The following NOD2 variants were observed in gnomAD, a reference collection of about 807,000 sequenced individuals.
The protein encoded by NOD2 is nucleotide binding oligomerization domain containing 2.
A neutral mutation model predicts 90.9 loss-of-function variants in NOD2; 86 were observed. The ratio of observed to expected loss-of-function variants is 0.95; its 90% confidence interval spans 0.79 to 1.13. The LOEUF (loss-of-function observed/expected upper bound fraction) is 1.13, where lower values mean the gene tolerates loss of function less well. NOD2 is among the 50% of genes most tolerant of loss of function. NOD2 has a pLI of 0.00. For missense variants in NOD2, 1,238 were observed against 1,283.8 expected (o/e 0.96, Z 0.55); for synonymous variants, 581 against 554.6 (o/e 1.05, Z -0.67).
At chr16:50,729,493 C>T (rs886587928) in intron 10 of NOD2, among the ~76,000 whole-genome samples, 1 of 152,246 alleles carries the variant, frequency 6.6e-6, no homozygotes, top group Non-Finnish European at 1.5e-5. Flanking sequence ...GACTAATTTG[C>T]TCGAGATCAA....
At position 50,699,913 on chromosome 16, in the gene NOD2, T is replaced by G. The variant is rs769289791; in HGVS notation, c.418T>G (p.Cys140Gly). The change falls in exon 2 of 12, where the codon TGT becomes GGT. Residue 140 changes from cysteine (C) to glycine (G), a missense_variant. Transcript: ENST00000647318. The stretch of plus-strand genomic sequence containing the variant: ...GCGGGGTTTCGTCAGCCAGTATGAA[T>G]GTGATGAAATCAGGTTGCCGATCTT... ...WERGFVSQYE[C>G]DEIRLPIFTP... is the part of the protein sequence containing the mutation. The G allele has an allele frequency of 1.1e-5, 17 of 1,611,324 alleles. No homozygotes were observed. The highest frequency in any genetic ancestry group is 1.3e-5 in the African/African-American group (1 of 75,022).
At chr16:50,696,030 G>C (rs571772739) in intron 1 of NOD2, among the ~76,000 whole-genome samples, 1 of 146,400 alleles carries the variant, frequency 6.8e-6, no homozygotes, top group Non-Finnish European at 1.5e-5. Context: ...CTGGTGGGGG[G>C]ATTTGATCTC....
intron 10 of NOD2, among the ~76,000 whole-genome samples, chr16:50,729,503 A>G (rs1965379401): frequency 6.6e-6 from 1 of 152,214 alleles, no homozygotes; most frequent in Non-Finnish European, 1.5e-5. Context: ...CTCGAGATCA[A>G]AAAAGAAGTG....
intron 1 of NOD2, among the ~76,000 whole-genome samples, chr16:50,699,255 G>A (rs1190905589): frequency 6.6e-6 from 1 of 152,150 alleles, no homozygotes; most frequent in Non-Finnish European, 1.5e-5. Flanking sequence ...GGAGTTAGGG[G>A]TCTTGATTTA....
At chr16:50,710,179 C>G (rs1260919589) in intron 3 of NOD2, among the ~76,000 whole-genome samples, 1 of 152,214 alleles carries the variant, frequency 6.6e-6, no homozygotes, top group African/African-American at 2.4e-5. Flanking sequence ...CAGCCCAGAG[C>G]CCCTTCCCGT....
Position 50,710,925 on chromosome 16 carries a change from C to T in NOD2, c.933C>T (p.Cys311=). ...CATTCAGCTGCCGGCAGCTGCAGTG[C>T]ATGGCCAAACCACTCTCTGTGCGGA... is the stretch of plus-strand genomic sequence containing the variant. ...VFPFSCRQLQ[C]MAKPLSVRTL... is the part of the protein sequence containing the mutation. The change falls in exon 4 of 12, where the codon TGC becomes TGT. Residue 311 remains cysteine (C), a synonymous_variant. Coordinates refer to ENST00000647318, the MANE Select transcript of NOD2 (RefSeq NM_001370466.1). 6.2e-7 allele frequency: 1 copy of T among 1,614,216 alleles called. No homozygotes were observed. Among genetic ancestry groups the T allele is most frequent in the Non-Finnish European group, 8.5e-7 (1 of 1,180,028 alleles).
chr16:50,704,088 ATGG>A (rs1440618807), intron 2 of NOD2, among the ~76,000 whole-genome samples: 2 of 152,252 alleles, frequency 1.3e-5, no homozygotes, highest in African/African-American at 4.8e-5. Flanking sequence ...ATATTAGTTC[ATGG>A]TGAAGACAAG....
chr16:50,714,702 T>A (rs1438175266), intron 4 of NOD2, among the ~76,000 whole-genome samples: 2 of 151,002 alleles, frequency 1.3e-5, no homozygotes. Context: ...GGGCACAGGC[T>A]CCTCTCCCAC....
chr16:50,722,409 C>T (rs894523825), intron 7 of NOD2, among the ~76,000 whole-genome samples: 3 of 152,218 alleles, frequency 2.0e-5, no homozygotes, highest in African/African-American at 2.4e-5. Context: ...TGTAAAGCCA[C>T]TGAAAACTCT....
chr16:50,710,495 G>A lies in NOD2; in HGVS notation c.566-63G>A, dbSNP rs538109458. ...TCAGCGTCCCCCGCAGCAGCCCATTGTCTGGTTAGGTCCCGTCTTCACCAT... is the reference window on the plus strand; with the variant it reads ...TCAGCGTCCCCCGCAGCAGCCCATTATCTGGTTAGGTCCCGTCTTCACCAT... On this transcript the variant is annotated intron_variant, in intron 3 of 11. Coordinates refer to ENST00000647318, the MANE Select transcript of NOD2 (RefSeq NM_001370466.1). 6 of 1,610,736 alleles carry A rather than the reference G, an allele frequency of 3.7e-6. No homozygotes were observed. In the African/African-American group the frequency reaches 8.0e-5, roughly 22 times the overall value.
Position 50,712,385 on chromosome 16 carries a change from T to C in NOD2, c.2381+12T>C, listed in dbSNP as rs1399349283. 1 of 1,613,064 alleles carries C rather than the reference T, an allele frequency of 6.2e-7. No individual in the cohort carries two copies. The highest frequency in any genetic ancestry group is 1.1e-5 in the South Asian group (1 of 91,022). On this transcript the variant is annotated intron_variant, in intron 4 of 11. Coordinates refer to ENST00000647318, the MANE Select transcript of NOD2 (RefSeq NM_001370466.1). ...TGCAAGGCTCTGTAGTGAGTGTTACTGGGCATTGCTGTTCAGGTATGGGGG... is the reference window on the plus strand; with the variant it reads ...TGCAAGGCTCTGTAGTGAGTGTTACCGGGCATTGCTGTTCAGGTATGGGGG...
chr16:50,693,787 G>A (rs1164166040), intron 1 of NOD2, 125 bp downstream of exon 1: 1 of 152,304 alleles, frequency 6.6e-6, no homozygotes, highest in South Asian at 2.1e-4. Flanking sequence ...GGCAAGGGTT[G>A]CCTCGGTTTC....
chr16:50,700,316 G>T (rs1261865340), intron 2 of NOD2, among the ~76,000 whole-genome samples: 1 of 151,936 alleles, frequency 6.6e-6, no homozygotes, highest in Non-Finnish European at 1.5e-5. Flanking sequence ...TAGAGATGGG[G>T]TGTTGCTATG....
chr16:50,701,400 G>A (rs532879995), intron 2 of NOD2, among the ~76,000 whole-genome samples: 1 of 152,332 alleles, frequency 6.6e-6, no homozygotes, highest in South Asian at 2.1e-4. Context: ...GTTCACATGA[G>A]TCTGGATAAC....
chr16:50,725,821 A>T (rs1052487076), intron 10 of NOD2, among the ~76,000 whole-genome samples: 1 of 152,176 alleles, frequency 6.6e-6, no homozygotes, highest in African/African-American at 2.4e-5. Context: ...AAGGGGAGTT[A>T]TCAAGCCAGT....
In NOD2 at chr16:50,702,739, A is replaced by C. The variant is rs183145280; in HGVS notation, c.459+2785A>C. Among the ~76,000 whole-genome samples, 7 of 152,328 alleles carry C rather than the reference A, an allele frequency of 4.6e-5. No individual in the cohort carries two copies. In the East Asian group the frequency reaches 1.3e-3, roughly 29 times the overall value. ...CTGTATTGTTTTATTTAAGCCTCAC[A>C]AGGGTATAGTGTGACTACACTGTTT... On this transcript the variant is annotated intron_variant, in intron 2 of 11. Coordinates refer to ENST00000647318, the MANE Select transcript of NOD2 (RefSeq NM_001370466.1).
chr16:50,699,407 G>C, intron 1 of NOD2, 81 bp from the exon 2 acceptor site: 1 of 1,184,094 alleles, frequency 8.4e-7, no homozygotes, highest in South Asian at 1.2e-5. Flanking sequence ...TTCTGCTGGG[G>C]CTGACTTGCC....
Position 50,711,696 on chromosome 16 carries a change from T to G in NOD2, c.1704T>G (p.Ser568Arg). Reference sequence around the variant, plus strand: ...GTGCCAAAGGTGTCGTGCCAGGGAGTACGGCGCCCCTGGAATTCCTTCACA... The same window carrying G: ...GTGCCAAAGGTGTCGTGCCAGGGAGGACGGCGCCCCTGGAATTCCTTCACA... The part of the protein sequence containing the change: ...LVRAKGVVPG[S>R]TAPLEFLHIT... The change falls in exon 4 of 12, where the codon AGT (serine) becomes AGG (arginine). Residue 568 changes from serine (S) to arginine (R), a missense_variant. Around this residue, in one of 3 missense-constraint regions of NOD2, gnomAD observed 667 missense variants for 688.7 expected, o/e 0.97. Transcript: ENST00000647318. 1.9e-6 allele frequency: 3 copies of G among 1,613,846 alleles called. No homozygotes were observed. The highest frequency in any genetic ancestry group is 2.5e-6 in the Non-Finnish European group (3 of 1,180,002).
chr16:50,702,972 C>T (rs192792151), intron 2 of NOD2, among the ~76,000 whole-genome samples: 14 of 152,232 alleles, frequency 9.2e-5, no homozygotes, highest in Non-Finnish European at 1.5e-5. Context: ...AGCTGTCCGT[C>T]TGACTCATGC....
Sources: gnomAD v4.1 joint callset for allele counts (sites outside exome capture counted in the v4.1 genomes callset) on GRCh38, gnomAD v4.1.1 for gene constraint, gnomAD v4.1.1 regional missense constraint, MANE v1.5 for transcripts, NCBI Gene and HGNC (gene_info 2026-07-23, HGNC 2026-07-21) for gene names.